Variants in FRMD4B observed in about 807,000 individuals in gnomAD.
FRMD4B encodes the protein FERM domain-containing protein 4B.
In FRMD4B, 74 loss-of-function variants were observed where a neutral mutation model predicts 141.5. That is an observed-to-expected ratio of 0.52 (90% CI 0.43 to 0.63). FRMD4B has a LOEUF of 0.63. FRMD4B is among the 30% of genes least tolerant of loss of function. The pLI, the probability that FRMD4B is intolerant of heterozygous loss-of-function variation, is 0.00. For missense variants in FRMD4B, 1,366 were observed against 1,253.4 expected (o/e 1.09, Z -1.36); for synonymous variants, 506 against 467.9 (o/e 1.08, Z -1.05).
chr3:69,270,023 CT>C (rs576512448), intron 5 of FRMD4B, among the ~76,000 whole-genome samples: 16 of 144,740 alleles, frequency 1.1e-4, no homozygotes, highest in South Asian at 4.4e-4. Context: ...TTCTTTCTTT[CT>C]TTTTTTTTTA....
rs1012915435 is a variant in FRMD4B at position 69,216,132 on chromosome 3, C to T, written c.876+131G>A. On this transcript the variant is annotated intron_variant, in intron 11 of 22. Transcript: ENST00000398540. ...TCAGCCCACTGCACTCCAGCTTGGG[C>T]GACAAAGTGAGACTCCATCTCAAAA... The T allele has an allele frequency of 1.3e-4, 74 of 548,170 alleles. No homozygotes were observed. The Admixed American group carries it at 1.6e-3, about 12-fold the overall frequency. The allele number at this position is 548,170 out of a possible 1,614,324, so 34.0% of individuals were successfully genotyped here.
At chr3:69,248,261 A>ACAC (rs58593229) in intron 7 of FRMD4B, among the ~76,000 whole-genome samples, 7 of 151,714 alleles carry the variant, frequency 4.6e-5, no homozygotes, top group Admixed American at 4.6e-4. Flanking sequence ...ACACACACAC[A>ACAC]AATATATATA....
chr3:69,402,654 C>T (rs1009533492), intron 2 of FRMD4B, among the ~76,000 whole-genome samples: 1 of 152,066 alleles, frequency 6.6e-6, no homozygotes, highest in Non-Finnish European at 1.5e-5. Flanking sequence ...AAATATCAAA[C>T]ATAAGATGTA....
chr3:69,506,179 T>C (rs910370158), intron 1 of FRMD4B, among the ~76,000 whole-genome samples: 40 of 152,292 alleles, frequency 2.6e-4, no homozygotes, highest in Non-Finnish European at 2.4e-4. Context: ...AGGCCCTTAA[T>C]GTTATTATCC....
At chr3:69,448,351 C>A (rs768361776) in intron 1 of FRMD4B, among the ~76,000 whole-genome samples, 5 of 152,122 alleles carry the variant, frequency 3.3e-5, no homozygotes, top group Non-Finnish European at 5.9e-5. Flanking sequence ...CTTTTATGGG[C>A]ATATATTTTC....
chr3:69,304,465 CAG>C lies in FRMD4B; in HGVS notation c.324-2032_324-2031del, dbSNP rs1471617419. Among the ~76,000 whole-genome samples the C allele has an allele frequency of 8.2e-5, 10 of 121,686 alleles. No homozygotes were observed. In the East Asian group the frequency reaches 2.4e-3, roughly 29 times the overall value. The allele number at this position is 121,686 out of a possible 152,430, so 79.8% of individuals were successfully genotyped here. On this transcript the variant is annotated intron_variant, in intron 3 of 22. Coordinates refer to ENST00000398540, the MANE Select transcript of FRMD4B (RefSeq NM_015123.3). ...TGCCACTACACTCCAGCTTGCACGACAGAGCAAGATTCTATCTCAAAAAAAAA... is the reference window on the plus strand; with the variant it reads ...TGCCACTACACTCCAGCTTGCACGACAGCAAGATTCTATCTCAAAAAAAAA...
At chr3:69,507,387 T>TTG (rs142024418) in intron 1 of FRMD4B, among the ~76,000 whole-genome samples, 50 of 151,518 alleles carry the variant, frequency 3.3e-4, no homozygotes, top group South Asian at 1.3e-3. Flanking sequence ...ATGTGTAAGT[T>TTG]TGTGTGTGTG....
chr3:69,187,840 G>C lies in FRMD4B; in HGVS notation c.1849C>G (p.Leu617Val), dbSNP rs61737527. Reference sequence around the variant, plus strand: ...CTGAAATGGATTCGCTCAATACCAAGAGACTTGGGGGGAAGAATTCTTGGA... The same window carrying C: ...CTGAAATGGATTCGCTCAATACCAACAGACTTGGGGGGAAGAATTCTTGGA... Reference protein sequence around the residue: ...HSPRILPPKSLGIERIHFRKS... With the variant: ...HSPRILPPKSVGIERIHFRKS... Residue 617 changes from leucine (L) to valine (V), a missense_variant, in exon 19 of 23, where the codon CTT becomes GTT. Physicochemically the swap from Leu to Val is conservative, Grantham distance 32 (BLOSUM62 1). Coordinates refer to ENST00000398540, the MANE Select transcript of FRMD4B (RefSeq NM_015123.3). 3.4e-4 allele frequency: 546 copies of C among 1,611,940 alleles called. 2 individuals are homozygous for C. In the African/African-American group the frequency reaches 6.3e-3, roughly 19 times the overall value.
At chr3:69,422,179 C>G (rs1269593349) in intron 2 of FRMD4B, among the ~76,000 whole-genome samples, 1 of 152,102 alleles carries the variant, frequency 6.6e-6, no homozygotes, top group Non-Finnish European at 1.5e-5. Context: ...CACTTGAGGT[C>G]AGAAGATCGA....
rs753127481 is a variant in FRMD4B, at chr3:69,181,070, A to C, written c.2680T>G (p.Leu894Val). The C allele has an allele frequency of 2.7e-5, 43 of 1,613,836 alleles. No homozygotes were observed. The highest frequency in any genetic ancestry group is 3.1e-5 in the Non-Finnish European group (37 of 1,179,892). ...EHITKNIHKALVAEHLRGWYQ... is the reference protein window; with the variant it reads ...EHITKNIHKAVVAEHLRGWYQ... ...CAGCCACGCAAGTGCTCGGCAACTA[A>C]GGCCTTGTGGATGTTTTTGGTGATG... The change falls in exon 21 of 23, where the codon TTA becomes GTA. Residue 894 changes from leucine (L) to valine (V), a missense_variant. Physicochemically the swap from Leu to Val is conservative, Grantham distance 32. Coordinates refer to ENST00000398540, the MANE Select transcript of FRMD4B (RefSeq NM_015123.3).
chr3:69,338,691 G>C (rs1485644757), intron 1 of FRMD4B, among the ~76,000 whole-genome samples: 3 of 152,088 alleles, frequency 2.0e-5, no homozygotes, highest in African/African-American at 7.2e-5. Context: ...TGAGGGTAGA[G>C]GGTAGGAGGA....
chr3:69,175,636 A>T (rs1262541919), intron 22 of FRMD4B, among the ~76,000 whole-genome samples: 2 of 152,188 alleles, frequency 1.3e-5, no homozygotes, highest in Non-Finnish European at 2.9e-5. Flanking sequence ...AAAGAGACTT[A>T]AATGGACATA....
At chr3:69,504,693 A>G (rs2107077068) in intron 1 of FRMD4B, among the ~76,000 whole-genome samples, 1 of 152,294 alleles carries the variant, frequency 6.6e-6, no homozygotes, top group Admixed American at 6.5e-5. Flanking sequence ...ACCACATTTT[A>G]TTTATCCATT....
intron 5 of FRMD4B, among the ~76,000 whole-genome samples, chr3:69,273,758 T>C (rs951330994): frequency 2.0e-5 from 3 of 152,026 alleles, no homozygotes; most frequent in African/African-American, 7.2e-5. Flanking sequence ...TTTGGGGAGA[T>C]AAAGATGAAC....
intron 7 of FRMD4B, among the ~76,000 whole-genome samples, chr3:69,235,322 G>A (rs982482167): frequency 6.6e-6 from 1 of 151,880 alleles, no homozygotes; most frequent in African/African-American, 2.4e-5. Flanking sequence ...ACCTGACCTA[G>A]CAGTGACAAA....
intron 1 of FRMD4B, among the ~76,000 whole-genome samples, chr3:69,532,598 A>C (rs1037499860): frequency 6.6e-6 from 1 of 152,320 alleles, no homozygotes; most frequent in Admixed American, 6.5e-5. Flanking sequence ...TTGTTGATCC[A>C]GTGCCAATTT....
chr3:69,488,937 C>A (rs1429156902), intron 1 of FRMD4B, among the ~76,000 whole-genome samples: 5 of 138,618 alleles, frequency 3.6e-5, no homozygotes, highest in African/African-American at 1.1e-4. Context: ...TAAAACTCTT[C>A]AAAGAAAAGA....
chr3:69,516,296 A>G (rs1255422509), intron 1 of FRMD4B, among the ~76,000 whole-genome samples: 3 of 152,274 alleles, frequency 2.0e-5, no homozygotes, highest in South Asian at 4.1e-4. Flanking sequence ...TTACATGACA[A>G]AAGAGGTTTT....
In FRMD4B at chr3:69,236,052, G is replaced by T. The variant is rs141345276; in HGVS notation, c.582-11362C>A. ...GATGACAGTCTGCGTTTTTAAACTAGATCAAACTGGATTAACCACATCAAG... is the reference window on the plus strand; with the variant it reads ...GATGACAGTCTGCGTTTTTAAACTATATCAAACTGGATTAACCACATCAAG... On this transcript the variant is annotated intron_variant, in intron 7 of 22. Transcript: ENST00000398540. Among the ~76,000 whole-genome samples, 4 of 152,222 alleles carry T rather than the reference G, an allele frequency of 2.6e-5. No homozygotes were observed. The East Asian group carries it at 7.7e-4, about 29-fold the overall frequency.
Sources: gnomAD v4.1 joint callset for allele counts (sites outside exome capture counted in the v4.1 genomes callset) on GRCh38, gnomAD v4.1.1 for gene constraint, MANE v1.5 for transcripts, NCBI Gene and HGNC (gene_info 2026-07-23, HGNC 2026-07-21) for gene names.